Variants in TMEM38B observed in about 807,000 individuals in gnomAD.
TMEM38B encodes the protein transmembrane protein 38B, also known as trimeric intracellular cation channel type B.
A neutral mutation model predicts 28.7 loss-of-function variants in TMEM38B; 24 were observed. That is an observed-to-expected ratio of 0.84 (90% CI 0.61 to 1.18). The LOEUF (loss-of-function observed/expected upper bound fraction) is 1.18, where lower values mean the gene tolerates loss of function less well. Ranked by LOEUF, TMEM38B falls within the 50% of genes most tolerant of loss-of-function variation. The probability of loss-of-function intolerance (pLI) is 0.00; values close to 1 mark genes in which losing one functional copy is unlikely to be tolerated. For missense variants in TMEM38B, 380 were observed against 350.9 expected, an observed-to-expected ratio of 1.08 and a Z score of -0.66; for synonymous variants, 131 against 127.7, an observed-to-expected ratio of 1.03 and a Z score of -0.17.
At chr9:105,759,246 T>A (rs1837947808) in intron 5 of TMEM38B, 1 of 717,440 alleles carries the variant, frequency 1.4e-6, no homozygotes, top group African/African-American at 1.8e-5. Flanking sequence ...TGTTTGTGGC[T>A]ATGTCATAGT....
At chr9:105,755,096 T>G (rs1837789489) in intron 5 of TMEM38B, among the ~76,000 whole-genome samples, 1 of 152,142 alleles carries the variant, frequency 6.6e-6, no homozygotes, top group Non-Finnish European at 1.5e-5. Context: ...CAGGAAGAAG[T>G]TGAATCTCCA....
At chr9:105,722,459 G>T (rs1836352456) in intron 3 of TMEM38B, 75 bp from the exon 4 acceptor site, 2 of 1,175,262 alleles carry the variant, frequency 1.7e-6, no homozygotes, top group Middle Eastern at 2.1e-4. Context: ...TCAGGTGATA[G>T]AATTATGGCT....
intron 1 of TMEM38B, among the ~76,000 whole-genome samples, chr9:105,705,106 A>G (rs7025764): frequency 0.01 from 1,587 of 152,310 alleles, 27 homozygotes; most frequent in African/African-American, 0.036. Context: ...ATAAATATCT[A>G]TTCCTAAGAA....
rs1446876927 is a variant in TMEM38B, at chr9:105,715,729, C to T, written c.270-5808C>T. ...TTTTTTCTTTTATCTCTTACTCTCT[C>T]CTGAGTGTTGAATCTTTGGTTCTCA... On this transcript the variant is annotated intron_variant, in intron 2 of 5. Coordinates refer to ENST00000374692, the MANE Select transcript of TMEM38B (RefSeq NM_018112.3). Among the ~76,000 whole-genome samples, 10 of 151,782 alleles carry T rather than the reference C, an allele frequency of 6.6e-5. No individual in the cohort carries two copies. The East Asian group carries it at 1.9e-3, about 29-fold the overall frequency.
chr9:105,726,254 T>G (rs1425622248), intron 4 of TMEM38B, among the ~76,000 whole-genome samples: 1 of 152,216 alleles, frequency 6.6e-6, no homozygotes, highest in Non-Finnish European at 1.5e-5. Context: ...ATATTTTTAC[T>G]TGATAAACTT....
intron 4 of TMEM38B, among the ~76,000 whole-genome samples, chr9:105,731,477 C>A (rs1836745770): frequency 6.6e-6 from 1 of 152,150 alleles, no homozygotes; most frequent in African/African-American, 2.4e-5. Context: ...CCACGACAGG[C>A]CCTGGTCTGT....
chr9:105,762,456 G>A (rs1838093293), intron 5 of TMEM38B, among the ~76,000 whole-genome samples: 1 of 136,516 alleles, frequency 7.3e-6, no homozygotes, highest in South Asian at 2.3e-4. Flanking sequence ...CCCTTCCTGT[G>A]TCCATGTGTT....
intron 5 of TMEM38B, among the ~76,000 whole-genome samples, chr9:105,770,738 A>G (rs1397929933): frequency 6.6e-6 from 1 of 152,160 alleles, no homozygotes; most frequent in Non-Finnish European, 1.5e-5. Flanking sequence ...GATACTGATA[A>G]GGGCCTATTG....
chr9:105,740,587 A>G (rs562712027), intron 4 of TMEM38B, among the ~76,000 whole-genome samples: 5 of 152,126 alleles, frequency 3.3e-5, no homozygotes, highest in Non-Finnish European at 7.4e-5. Context: ...TTTAAATGCT[A>G]GTACGTGGAA....
At position 105,758,663 on chromosome 9, in the gene TMEM38B, A is replaced by C. The variant is rs77661883; in HGVS notation, c.660+10473A>C. The C allele has an allele frequency of 3.5e-3, 2,747 of 782,168 alleles. 48 individuals carry two copies. The African/African-American group carries it at 0.043, about 12-fold the overall frequency. The allele number at this position is 782,168 out of a possible 1,614,324, so 48.5% of individuals were successfully genotyped here. On this transcript the variant is annotated intron_variant, in intron 5 of 5. Coordinates refer to ENST00000374692, the MANE Select transcript of TMEM38B (RefSeq NM_018112.3). The stretch of plus-strand genomic sequence containing the variant: ...GATTTCCTGCAACTTAGCCATTTAA[A>C]ACTCTGCCACGAAGACATCCAGAAT...
intron 5 of TMEM38B, among the ~76,000 whole-genome samples, chr9:105,750,940 T>C (rs1837627363): frequency 6.6e-6 from 1 of 152,222 alleles, no homozygotes; most frequent in South Asian, 2.1e-4. Flanking sequence ...CAAAAATCAG[T>C]TGACTGTAAA....
intron 4 of TMEM38B, among the ~76,000 whole-genome samples, chr9:105,737,282 G>A (rs1837019069): frequency 6.6e-6 from 1 of 152,150 alleles, no homozygotes; most frequent in South Asian, 2.1e-4. Context: ...CTGGGGGCAG[G>A]GCACAGAACT....
At chr9:105,729,877 C>T (rs998479264) in intron 4 of TMEM38B, among the ~76,000 whole-genome samples, 23 of 151,164 alleles carry the variant, frequency 1.5e-4, no homozygotes, top group Admixed American at 4.0e-4. Flanking sequence ...ATTTGGCTCT[C>T]GGTCTGTTCT....
At chr9:105,734,567 T>G (rs998202838) in intron 4 of TMEM38B, among the ~76,000 whole-genome samples, 14 of 152,140 alleles carry the variant, frequency 9.2e-5, no homozygotes, top group Admixed American at 5.2e-4. Context: ...TATTGCTGTT[T>G]CATCCCTTCC....
At chr9:105,735,054 T>C (rs1588434250) in intron 4 of TMEM38B, among the ~76,000 whole-genome samples, 1 of 152,120 alleles carries the variant, frequency 6.6e-6, no homozygotes, top group Admixed American at 6.6e-5. Context: ...CTCTCTAATT[T>C]GCATATTTAC....
At chr9:105,696,063 A>T (rs1256501298) in intron 1 of TMEM38B, among the ~76,000 whole-genome samples, 2 of 152,206 alleles carry the variant, frequency 1.3e-5, no homozygotes, top group Non-Finnish European at 2.9e-5. Context: ...TTTCGTAATA[A>T]TATGCAGATG....
Position 105,774,680 on chromosome 9 carries a change from A to G in TMEM38B, c.*600A>G, listed in dbSNP as rs1367407822. The G allele has an allele frequency of 1.3e-5, 2 of 151,970 alleles. No individual in the cohort carries two copies. Among genetic ancestry groups the G allele is most frequent in the African/African-American group, 2.4e-5 (1 of 41,432 alleles). The allele number at this position is 151,970 out of a possible 1,614,324, so 9.4% of individuals were successfully genotyped here. ...GGAAAATATCTGAAATTTTTTTTCC[A>G]TAGCAGGTATTTTCTACTAGAAGTA... On this transcript the variant is annotated 3_prime_UTR_variant, in exon 6 of 6. Transcript: ENST00000374692.
At chr9:105,755,068 A>G (rs531462140) in intron 5 of TMEM38B, among the ~76,000 whole-genome samples, 151 of 152,274 alleles carry the variant, frequency 9.9e-4, no homozygotes, top group African/African-American at 3.2e-3. Flanking sequence ...GGACACATAC[A>G]CCCTTGCAAG....
intron 5 of TMEM38B, 53 bp downstream of exon 5, chr9:105,748,243 T>C: frequency 7.7e-7 from 1 of 1,304,106 alleles, no homozygotes; most frequent in Non-Finnish European, 1.1e-6. Context: ...ACTATTCCCC[T>C]TTGATACAAT....
Sources: allele counts gnomAD v4.1 joint callset (sites outside exome capture counted in the v4.1 genomes callset), GRCh38; gene constraint gnomAD v4.1.1; transcripts MANE v1.5; gene names NCBI Gene and HGNC (gene_info 2026-07-23, HGNC 2026-07-21).